Variants in ZYG11A observed in about 807,000 individuals in gnomAD.
ZYG11A encodes protein zyg-11 homolog A.
A neutral mutation model predicts 77.2 loss-of-function variants in ZYG11A; 62 were observed. The ratio of observed to expected loss-of-function variants is 0.80; its 90% CI spans 0.65 to 0.99. ZYG11A has a LOEUF of 0.99. ZYG11A is among the 50% of genes least tolerant of loss of function. The pLI is 0.00. For synonymous variants in ZYG11A, 315 were observed against 324.6 expected (o/e 0.97, Z 0.32); for missense variants, 828 against 896.8 (o/e 0.92, Z 0.98).
At chr1:52,879,637 G>A (rs1212646354) in intron 10 of ZYG11A, among the ~76,000 whole-genome samples, 1 of 152,054 alleles carries the variant, frequency 6.6e-6, no homozygotes, top group Non-Finnish European at 1.5e-5. Flanking sequence ...GGGAAAAGGT[G>A]GGAAGGTGAA....
chr1:52,883,416 G>A (rs1400554299), intron 11 of ZYG11A, among the ~76,000 whole-genome samples: 1 of 150,736 alleles, frequency 6.6e-6, no homozygotes, highest in Non-Finnish European at 1.5e-5. Context: ...GAGCCACCAT[G>A]CCTGGCCAAT....
intron 2 of ZYG11A, among the ~76,000 whole-genome samples, chr1:52,855,229 A>T (rs1248073340): frequency 6.6e-6 from 1 of 151,876 alleles, no homozygotes; most frequent in African/African-American, 2.4e-5. Context: ...TATGGTTATG[A>T]GTCTTACCTC....
intron 11 of ZYG11A, among the ~76,000 whole-genome samples, chr1:52,883,436 AG>A (rs1371701487): frequency 1.4e-5 from 2 of 146,004 alleles, no homozygotes; most frequent in African/African-American, 5.1e-5. Context: ...TTTAAAAAAA[AG>A]ATTTTTTTTT....
At chr1:52,850,629 T>A (rs1645691519) in intron 1 of ZYG11A, among the ~76,000 whole-genome samples, 1 of 152,210 alleles carries the variant, frequency 6.6e-6, no homozygotes, top group East Asian at 1.9e-4. Flanking sequence ...CTAATTTTTG[T>A]ATTTTTAATA....
At chr1:52,857,872 CT>C in intron 3 of ZYG11A, 123 bp downstream of exon 3, 1 of 729,464 alleles carries the variant, frequency 1.4e-6, no homozygotes, top group Non-Finnish European at 2.1e-6. Context: ...CCTTAAAGAG[CT>C]TTTTTAATAA....
chr1:52,869,035 A>G (rs530374964), intron 8 of ZYG11A, among the ~76,000 whole-genome samples: 8 of 151,994 alleles, frequency 5.3e-5, no homozygotes, highest in East Asian at 1.9e-4. Flanking sequence ...GAGTTTCACT[A>G]TGTTGGTCAG....
At chr1:52,855,545 C>T (rs2149993162) in intron 2 of ZYG11A, among the ~76,000 whole-genome samples, 1 of 152,278 alleles carries the variant, frequency 6.6e-6, no homozygotes, top group Admixed American at 6.5e-5. Context: ...AACCTTGTGC[C>T]CGTTAGATTT....
At chr1:52,866,284 A>T (rs1309804565) in intron 5 of ZYG11A, among the ~76,000 whole-genome samples, 2 of 152,010 alleles carry the variant, frequency 1.3e-5, no homozygotes, top group Non-Finnish European at 2.9e-5. Flanking sequence ...GGTTTTCCTC[A>T]TTTATTTCTA....
intron 13 of ZYG11A, among the ~76,000 whole-genome samples, chr1:52,891,288 T>C (rs1646538218): frequency 6.6e-6 from 1 of 151,966 alleles, no homozygotes; most frequent in Admixed American, 6.6e-5. Context: ...CTTTTCCAGA[T>C]ATTCCTATTT....
At chr1:52,843,684 C>T (rs1021580232) in intron 1 of ZYG11A, among the ~76,000 whole-genome samples, 60 of 120,970 alleles carry the variant, frequency 5.0e-4, no homozygotes, top group African/African-American at 1.7e-3. Context: ...TCTTTTCTTT[C>T]TTTCTTTTTT....
At chr1:52,891,889 T>A (rs1193866858) in intron 13 of ZYG11A, among the ~76,000 whole-genome samples, 1 of 151,172 alleles carries the variant, frequency 6.6e-6, no homozygotes, top group Non-Finnish European at 1.5e-5. Flanking sequence ...TGAATTATAT[T>A]TTATTTAACA....
intron 13 of ZYG11A, among the ~76,000 whole-genome samples, chr1:52,889,339 G>A (rs1646500351): frequency 6.6e-6 from 1 of 151,620 alleles, no homozygotes; most frequent in African/African-American, 2.4e-5. Flanking sequence ...ATTTTTATCA[G>A]CATCATGTTA....
At chr1:52,859,637 G>T (rs1490544967) in intron 3 of ZYG11A, among the ~76,000 whole-genome samples, 1 of 112,540 alleles carries the variant, frequency 8.9e-6, no homozygotes, top group Non-Finnish European at 2.0e-5. Flanking sequence ...GCCCAGCTGG[G>T]CTCTTTATTT....
chr1:52,849,152 T>C (rs574907748), intron 1 of ZYG11A, among the ~76,000 whole-genome samples: 2 of 151,904 alleles, frequency 1.3e-5, no homozygotes, highest in East Asian at 3.9e-4. Context: ...TAACCTCCGA[T>C]TCCCTGGTTC....
chr1:52,848,298 G>T (rs377045525), intron 1 of ZYG11A, among the ~76,000 whole-genome samples: 14 of 152,224 alleles, frequency 9.2e-5, no homozygotes, highest in East Asian at 7.7e-4. Flanking sequence ...CACTGCACTC[G>T]CCCGACATGC....
At chr1:52,864,586 A>G (rs1339492155) in intron 5 of ZYG11A, among the ~76,000 whole-genome samples, 2 of 152,172 alleles carry the variant, frequency 1.3e-5, no homozygotes, top group African/African-American at 4.8e-5. Context: ...AGAGAAAGAG[A>G]ATAGATAAAA....
At chr1:52,886,505 A>C (rs1646453784) in intron 12 of ZYG11A, among the ~76,000 whole-genome samples, 1 of 152,004 alleles carries the variant, frequency 6.6e-6, no homozygotes, top group Non-Finnish European at 1.5e-5. Flanking sequence ...CCTGTGGGGA[A>C]AATGTTTAAA....
intron 5 of ZYG11A, among the ~76,000 whole-genome samples, chr1:52,866,247 A>AT (rs1424615160): frequency 1.3e-5 from 2 of 152,084 alleles, no homozygotes; most frequent in Non-Finnish European, 2.9e-5. Flanking sequence ...AAGGGAGTTG[A>AT]TTTTTTAAAA....
rs114969011 is a variant in ZYG11A at position 52,872,051 on chromosome 1, G to A, written c.1542+4274G>A. Among the ~76,000 whole-genome samples, 418 of 152,284 alleles carry A rather than the reference G, an allele frequency of 2.7e-3. 2 individuals are homozygous for A. The highest frequency in any genetic ancestry group is 9.6e-3 in the African/African-American group (399 of 41,566). On this transcript the variant is annotated intron_variant, in intron 8 of 13. Transcript: ENST00000371528. ...AACTTGTATGTCTGTTTACAATAGA[G>A]ATGAAATCAAGAATAAAAATCAAGA...
Sources: allele counts gnomAD v4.1 joint callset (sites outside exome capture counted in the v4.1 genomes callset), GRCh38; gene constraint gnomAD v4.1.1; transcripts MANE v1.5; gene names NCBI Gene and HGNC (gene_info 2026-07-23, HGNC 2026-07-21).